The following IQSEC1 variants were observed in gnomAD, a reference collection of about 807,000 sequenced individuals.
IQSEC1 encodes the protein IQ motif and Sec7 domain ArfGEF 1.
IQSEC1 carries 31 observed loss-of-function variants against 91.0 expected under a neutral mutation model. That is an observed-to-expected ratio of 0.34 (90% confidence interval 0.26 to 0.46). IQSEC1 has a LOEUF of 0.46. Ranked by LOEUF, IQSEC1 falls within the 20% of genes least tolerant of loss-of-function variation. The pLI is 1.00. For synonymous variants in IQSEC1, 699 were observed against 662.6 expected (o/e 1.05, Z -0.84); for missense variants, 1,388 against 1,575.6 (o/e 0.88, Z 2.02).
At chr3:13,172,799 A>G (rs1044667188) in intron 1 of IQSEC1, among the ~76,000 whole-genome samples, 11 of 152,184 alleles carry the variant, frequency 7.2e-5, no homozygotes, top group East Asian at 1.9e-4. Flanking sequence ...ACCATCGGCC[A>G]GTACGGTGAG....
At chr3:13,161,004 G>A (rs1312937153) in intron 2 of IQSEC1, among the ~76,000 whole-genome samples, 3 of 152,232 alleles carry the variant, frequency 2.0e-5, no homozygotes, top group Admixed American at 2.0e-4. Flanking sequence ...GTCAGCCCCA[G>A]CTCCCCTGAA....
chr3:12,909,513 A>C lies in IQSEC1; in HGVS notation c.2417-79T>G. On this transcript the variant is annotated intron_variant, in intron 10 of 13. Coordinates refer to ENST00000613206, the MANE Select transcript of IQSEC1 (RefSeq NM_001134382.3). This position sits in a 1 kb window ranked among gnomAD's most constrained non-coding sequence, Gnocchi z 4.9. ...CAATCTCCTCTCTGGTCAGGAAACA[A>C]TGGTAGGGCTGAGTTGTGCGTGAGC... is the stretch of plus-strand genomic sequence containing the variant. 1 of 1,408,182 alleles carries C rather than the reference A, an allele frequency of 7.1e-7. No homozygotes were observed. Among genetic ancestry groups the C allele is most frequent in the Non-Finnish European group, 9.9e-7 (1 of 1,013,712 alleles). 87.2% of individuals were successfully genotyped at this position (1,408,182 alleles called of 1,614,324 possible).
At chr3:13,235,302 G>A (rs578141903) in intron 1 of IQSEC1, among the ~76,000 whole-genome samples, 7 of 152,254 alleles carry the variant, frequency 4.6e-5, no homozygotes, top group African/African-American at 7.2e-5. Context: ...CGGCGCTGGG[G>A]TCTGAGAGGT....
chr3:13,232,036 AC>A (rs1694847102), intron 1 of IQSEC1, among the ~76,000 whole-genome samples: 1 of 152,182 alleles, frequency 6.6e-6, no homozygotes, highest in Non-Finnish European at 1.5e-5. Flanking sequence ...ACGTGTTGAA[AC>A]CTGGATTACT....
intron 1 of IQSEC1, among the ~76,000 whole-genome samples, chr3:13,033,479 C>G (rs979478393): frequency 1.3e-5 from 2 of 151,928 alleles, no homozygotes; most frequent in Non-Finnish European, 2.9e-5. Context: ...AGTCAGGGGT[C>G]TCCAGAGAAA....
In IQSEC1 at chr3:12,901,346, G is replaced by A. The variant is rs753626236; in HGVS notation, c.2982C>T (p.Pro994=). The A allele has an allele frequency of 2.6e-5, 40 of 1,530,050 alleles. No individual in the cohort carries two copies. The highest frequency in any genetic ancestry group is 3.5e-4 in the Middle Eastern group (2 of 5,720). The allele number at this position is 1,530,050 out of a possible 1,614,324, so 94.8% of individuals were successfully genotyped here. Residue 994 remains proline, a synonymous_variant, in exon 14 of 14, where the codon CCC becomes CCT. Coordinates refer to ENST00000613206, the MANE Select transcript of IQSEC1 (RefSeq NM_001134382.3). ...AHLPSAPALP[P]PHPPVVLPHL... is the part of the protein sequence containing the mutation. The stretch of plus-strand genomic sequence containing the variant: ...GAGGCAGGACCACCGGTGGGTGGGG[G>A]GGTGGCAGGGCTGGGGCTGAGGGCA...
chr3:12,923,733 G>A (rs112542563), intron 4 of IQSEC1, among the ~76,000 whole-genome samples: 92 of 152,340 alleles, frequency 6.0e-4, no homozygotes, highest in Non-Finnish European at 1.1e-3. Context: ...CCCAGGGAAC[G>A]TGAGGCCTCG....
intron 2 of IQSEC1, among the ~76,000 whole-genome samples, chr3:13,160,355 C>G (rs779842022): frequency 4.6e-5 from 7 of 152,150 alleles, no homozygotes; most frequent in Non-Finnish European, 8.8e-5. Context: ...GAGACGGGGT[C>G]CGGCTATGTT....
chr3:13,062,078 C>A (rs1484609086), intron 1 of IQSEC1, among the ~76,000 whole-genome samples: 2 of 152,212 alleles, frequency 1.3e-5, no homozygotes, highest in Non-Finnish European at 2.9e-5. Flanking sequence ...GCCCCTGGAG[C>A]CAGCCACACT....
rs1205188152 is a variant in IQSEC1 at position 13,207,422 on chromosome 3, C to T, written c.273-43289G>A. ...CTCTGCCAGGTCCCTGGGACGGCTTCCCTCTGGCCACCCCCAGACCCCCTG... is the reference window on the plus strand; with the variant it reads ...CTCTGCCAGGTCCCTGGGACGGCTTTCCTCTGGCCACCCCCAGACCCCCTG... On this transcript the variant is annotated intron_variant, in intron 1 of 15. Transcript: ENST00000648114. This position sits in a 1 kb window ranked among gnomAD's most constrained non-coding sequence, Gnocchi z 4.8. 6.8e-6 allele frequency among the ~76,000 whole-genome samples: 1 copy of T among 147,822 alleles called. No homozygotes were observed. The highest frequency in any genetic ancestry group is 1.5e-5 in the Non-Finnish European group (1 of 65,880).
At chr3:13,020,477 G>A (rs937933297) in intron 1 of IQSEC1, among the ~76,000 whole-genome samples, 1 of 152,236 alleles carries the variant, frequency 6.6e-6, no homozygotes, top group Non-Finnish European at 1.5e-5. Context: ...TATGGCCACT[G>A]TAATTATGGT....
Position 12,992,313 on chromosome 3 carries a change from T to TC in IQSEC1, c.24-50449dup, listed in dbSNP as rs950935237. On this transcript the variant is annotated intron_variant, in intron 1 of 13. Transcript: ENST00000613206. The surrounding 1 kb of genome is among the most constrained non-coding windows in gnomAD (Gnocchi z 4.1). ...CTGTGGGCATTGTGGCCACCCCAAG[T>TC]CACCTCTCAGTTTATCTTTTCCTGT... Among the ~76,000 whole-genome samples, 2 of 129,442 alleles carry TC rather than the reference T, an allele frequency of 1.5e-5. No homozygotes were observed. The highest frequency in any genetic ancestry group is 5.8e-5 in the African/African-American group (2 of 34,198). The allele number at this position is 129,442 out of a possible 152,430, so 84.9% of individuals were successfully genotyped here. A position where few individuals can be genotyped will look rare whatever the true frequency, so the allele number is the denominator to read the frequency against.
At chr3:13,147,456 G>A (rs1340996063) in intron 2 of IQSEC1, among the ~76,000 whole-genome samples, 1 of 152,030 alleles carries the variant, frequency 6.6e-6, no homozygotes, top group African/African-American at 2.4e-5. Flanking sequence ...TTAGAATTAT[G>A]GCCTCCAGCT....
At chr3:12,927,736 AAC>A (rs1697285739) in intron 3 of IQSEC1, among the ~76,000 whole-genome samples, 1 of 152,234 alleles carries the variant, frequency 6.6e-6, no homozygotes, top group Admixed American at 6.5e-5. Flanking sequence ...CCTCTTGGTG[AAC>A]ACTGGCTGGG....
At chr3:13,229,646 A>ACCCATCTATTCATTCTTCGTTCTTCC (rs1312302821) in intron 1 of IQSEC1, among the ~76,000 whole-genome samples, 4 of 152,146 alleles carry the variant, frequency 2.6e-5, no homozygotes, top group Admixed American at 2.0e-4. Flanking sequence ...GTGGACTCAC[A>ACCCATCTATTCATTCTTCGTTCTTCC]CCCATCTATT....
intron 1 of IQSEC1, among the ~76,000 whole-genome samples, chr3:12,971,865 T>A (rs1448209215): frequency 6.6e-6 from 1 of 151,920 alleles, no homozygotes; most frequent in Non-Finnish European, 1.5e-5. Context: ...CTACTAAAAA[T>A]ACAAAAATTA....
Position 12,901,464 on chromosome 3 carries a change from G to A in IQSEC1, c.2864C>T (p.Pro955Leu). 6.5e-7 allele frequency: 1 copy of A among 1,549,362 alleles called. No homozygotes were observed. Among genetic ancestry groups the A allele is most frequent in the East Asian group, 2.4e-5 (1 of 40,916 alleles). The change falls in exon 14 of 14, where the codon CCA becomes CTA. Residue 955 changes from proline (P) to leucine (L), a missense_variant. This residue lies in a region of IQSEC1 where 329 missense variants were observed against 257.8 expected (regional missense o/e 1.28). Coordinates refer to ENST00000613206, the MANE Select transcript of IQSEC1 (RefSeq NM_001134382.3). ...RRRATSTREC[P>L]SRPHQTMPNS... ...GGGCATAGTCTGGTGTGGGCGAGAT[G>A]GACACTCTCGTGTTGATGTAGCTCT...
rs371136421 is a variant in IQSEC1, at chr3:12,915,710, G to T, written c.2044C>A (p.Pro682Thr). The T allele has an allele frequency of 1.2e-6, 2 of 1,614,092 alleles. No individual in the cohort carries two copies. The highest frequency in any genetic ancestry group is 1.7e-6 in the Non-Finnish European group (2 of 1,179,996). The change falls in exon 7 of 14, where the codon CCC (proline) becomes ACC (threonine). Residue 682 changes from proline (P) to threonine (T), a missense_variant. Pro to Thr is a conservative substitution (Grantham distance 38). Coordinates refer to ENST00000613206, the MANE Select transcript of IQSEC1 (RefSeq NM_001134382.3). ...LRGVDDGEDI[P>T]REMLMGIYER... is the part of the protein sequence containing the mutation. Reference sequence around the variant, plus strand: ...TAGATCCCCATCAGCATCTCACGGGGAATGTCCTCACCATCGTCCACACCT... The same window carrying T: ...TAGATCCCCATCAGCATCTCACGGGTAATGTCCTCACCATCGTCCACACCT...
At chr3:12,978,884 A>G (rs1701321809) in intron 1 of IQSEC1, among the ~76,000 whole-genome samples, 1 of 152,146 alleles carries the variant, frequency 6.6e-6, no homozygotes, top group Admixed American at 6.6e-5. Flanking sequence ...TGTGGCATGA[A>G]TGGGAATTCA....
Sources: allele counts gnomAD v4.1 joint callset (sites outside exome capture counted in the v4.1 genomes callset), GRCh38; gene constraint gnomAD v4.1.1; regional missense constraint gnomAD v4.1.1; non-coding constraint Gnocchi (gnomAD v3.1); transcripts MANE v1.5; gene names NCBI Gene and HGNC (gene_info 2026-07-23, HGNC 2026-07-21).